Variants in NPY1R observed in about 807,000 individuals in gnomAD.
NPY1R encodes neuropeptide Y receptor Y1, also known as neuropeptide Y receptor type 1.
In NPY1R, 10 loss-of-function variants were observed where a neutral mutation model predicts 24.1. That is an observed-to-expected ratio of 0.42 (90% confidence interval 0.26 to 0.71). The LOEUF is 0.71. Ranked by LOEUF, NPY1R falls within the 30% of genes least tolerant of loss-of-function variation. The pLI is 0.28. For missense variants in NPY1R, 350 were observed against 458.0 expected (o/e 0.76, Z 2.15); for synonymous variants, 168 against 165.9 (o/e 1.01, Z -0.10).
intron 1 of NPY1R, among the ~76,000 whole-genome samples, chr4:163,327,833 A>G (rs1233108259): frequency 2.0e-5 from 3 of 152,206 alleles, no homozygotes; most frequent in African/African-American, 7.2e-5. Flanking sequence ...TTCAAAAATA[A>G]GTCTGATATT....
At chr4:163,327,540 T>C (rs961389004) in intron 1 of NPY1R, among the ~76,000 whole-genome samples, 1 of 152,168 alleles carries the variant, frequency 6.6e-6, no homozygotes, top group Non-Finnish European at 1.5e-5. Flanking sequence ...AACCACCATA[T>C]GAAAAACCAT....
rs1734578305 is a variant in NPY1R, at chr4:163,325,324, ATTG to A, written c.1131_1133del (p.Asn378del). The A allele has an allele frequency of 5.6e-6, 9 of 1,610,092 alleles. No homozygotes were observed. The highest frequency in any genetic ancestry group is 6.8e-6 in the Non-Finnish European group (8 of 1,178,550). Reference sequence around the variant, plus strand: ...AGTTTCAGATTTTTTCATTATCATCATTGTTGTTGATTTTTTTAAATGCGACTG... The same window carrying A: ...AGTTTCAGATTTTTTCATTATCATCATTGTTGATTTTTTTAAATGCGACTG... On this transcript the variant is annotated inframe_deletion, in exon 3 of 3. Transcript: ENST00000296533.
At chr4:163,325,796 G>A (rs750507121) in intron 2 of NPY1R, 38 bp from the exon 3 acceptor site, 2 of 1,565,862 alleles carry the variant, frequency 1.3e-6, no homozygotes, top group Non-Finnish European at 1.7e-6. Context: ...ACACTCATTT[G>A]ATGAGGAATT....
Position 163,326,625 on chromosome 4 carries a change from G to T in NPY1R, c.-71C>A. 1.1e-6 allele frequency: 1 copy of T among 944,486 alleles called. No homozygotes were observed. The highest frequency in any genetic ancestry group is 1.6e-6 in the Non-Finnish European group (1 of 620,358). The allele number at this position is 944,486 out of a possible 1,614,324, so 58.5% of individuals were successfully genotyped here. A position where few individuals can be genotyped will look rare whatever the true frequency, so the allele number is the denominator to read the frequency against. On this transcript the variant is annotated 5_prime_UTR_variant, in exon 2 of 3. Transcript: ENST00000296533. ...TATGTTTCTTCAAAGCAGGTCAACTGTTCAGCTTATTCTTATTCCCCATAT... is the reference window on the plus strand; with the variant it reads ...TATGTTTCTTCAAAGCAGGTCAACTTTTCAGCTTATTCTTATTCCCCATAT...
In NPY1R at chr4:163,326,319, A is replaced by G; in HGVS notation, c.236T>C (p.Ile79Thr). Residue 79 changes from isoleucine (I) to threonine (T), a missense_variant, in exon 2 of 3, where the codon ATT (isoleucine) becomes ACT (threonine). Transcript: ENST00000296533. Reference protein sequence around the residue: ...KEMRNVTNILIVNLSFSDLLV... With the variant: ...KEMRNVTNILTVNLSFSDLLV... Reference sequence around the variant, plus strand: ...CAAGTCTGAGAAGGAAAGGTTCACAATCAGGATGTTGGTAACATTTCTCAT... The same window carrying G: ...CAAGTCTGAGAAGGAAAGGTTCACAGTCAGGATGTTGGTAACATTTCTCAT... 6.2e-7 allele frequency: 1 copy of G among 1,614,154 alleles called. No homozygotes were observed. The highest frequency in any genetic ancestry group is 1.1e-5 in the South Asian group (1 of 91,084).
intron 1 of NPY1R, among the ~76,000 whole-genome samples, chr4:163,342,893 A>G (rs1469180262): frequency 2.0e-5 from 3 of 151,722 alleles, no homozygotes; most frequent in Admixed American, 1.3e-4. Context: ...ACCCTTTCTC[A>G]TGGTAAAGCT....
At position 163,324,588 on chromosome 4, in the gene NPY1R, T is replaced by C. The variant is rs1042526013; in HGVS notation, c.*715A>G. ...TCTTGTTGTCAGGTACCAAAATGGT[T>C]TTGAAGTTAGGGAGCTGCTTTCTCT... On this transcript the variant is annotated 3_prime_UTR_variant, in exon 3 of 3. Coordinates refer to ENST00000296533, the MANE Select transcript of NPY1R (RefSeq NM_000909.6). The C allele has an allele frequency of 2.0e-5, 3 of 152,074 alleles. No individual in the cohort carries two copies. The highest frequency in any genetic ancestry group is 4.4e-5 in the Non-Finnish European group (3 of 67,994). The allele number at this position is 152,074 out of a possible 1,614,324, so 9.4% of individuals were successfully genotyped here.
chr4:163,343,382 C>T (rs1237378528), intron 1 of NPY1R, among the ~76,000 whole-genome samples: 1 of 152,014 alleles, frequency 6.6e-6, no homozygotes, highest in Non-Finnish European at 1.5e-5. Context: ...GTTGCCTCTC[C>T]TGAACATTGG....
chr4:163,340,632 G>A (rs1295882828), intron 1 of NPY1R, among the ~76,000 whole-genome samples: 1 of 151,934 alleles, frequency 6.6e-6, no homozygotes, highest in Non-Finnish European at 1.5e-5. Flanking sequence ...AGGTCTCAAA[G>A]GGGACTCCAG....
Position 163,325,646 on chromosome 4 carries a change from G to A in NPY1R, c.812C>T (p.Ala271Val), listed in dbSNP as rs1316523914. The change falls in exon 3 of 3, where the codon GCA (alanine) becomes GTA (valine). Residue 271 changes from alanine to valine, a missense_variant. Coordinates refer to ENST00000296533, the MANE Select transcript of NPY1R (RefSeq NM_000909.6). ...INIMLLSIVV[A>V]FAVCWLPLTI... is the part of the protein sequence containing the mutation. ...AAGAGGGAGCCAGCAGACTGCAAAT[G>A]CTACCACAATGGAGAGCAGCATGAT... 6.2e-7 allele frequency: 1 copy of A among 1,609,586 alleles called. No individual in the cohort carries two copies. Among genetic ancestry groups the A allele is most frequent in the Non-Finnish European group, 8.5e-7 (1 of 1,179,614 alleles).
intron 1 of NPY1R, among the ~76,000 whole-genome samples, chr4:163,343,521 A>G (rs1158629014): frequency 4.0e-5 from 6 of 151,428 alleles, no homozygotes; most frequent in Admixed American, 3.3e-4. Context: ...AAACAAAGAT[A>G]AAACCTGAGA....
chr4:163,325,657 G>A lies in NPY1R; in HGVS notation c.801C>T (p.Ser267=), dbSNP rs975033445. The A allele has an allele frequency of 1.7e-5, 28 of 1,607,146 alleles. No individual in the cohort carries two copies. The highest frequency in any genetic ancestry group is 2.7e-5 in the African/African-American group (2 of 74,870). ...AGCAGACTGCAAATGCTACCACAAT[G>A]GAGAGCAGCATGATATTGATTCTTT... ...ETKRINIMLL[S]IVVAFAVCWL... is the part of the protein sequence containing the mutation. Residue 267 remains serine (S), a synonymous_variant, in exon 3 of 3, where the codon TCC becomes TCT. Transcript: ENST00000296533.
chr4:163,333,056 CAAAT>C (rs13447344), upstream of NPY1R: 86,102 of 151,530 alleles, frequency 0.57, 27,064 homozygotes, highest in Admixed American at 0.73. Context: ...TTGTGACGCT[CAAAT>C]AACTCTCACG....
Position 163,324,740 on chromosome 4 carries a change from GA to G in NPY1R, c.*562del, listed in dbSNP as rs59293649. ...AGCAAATTAAATCCTCCCTTAAGGT[GA>G]AAAAAAAAAAAAACAAACAAAAACC... On this transcript the variant is annotated 3_prime_UTR_variant, in exon 3 of 3. Coordinates refer to ENST00000296533, the MANE Select transcript of NPY1R (RefSeq NM_000909.6). 79,619 of 143,348 alleles carry G rather than the reference GA, an allele frequency of 0.56. 22,623 individuals carry two copies. Among genetic ancestry groups the G allele is most frequent in the Admixed American group, 0.66 (9,492 of 14,342 alleles). The allele number at this position is 143,348 out of a possible 1,614,324, so 8.9% of individuals were successfully genotyped here. A position where few individuals can be genotyped will look rare whatever the true frequency, so the allele number is the denominator to read the frequency against.
At chr4:163,334,499 C>A (rs1734794842), upstream of NPY1R, among the ~76,000 whole-genome samples, 1 of 152,188 alleles carries the variant, frequency 6.6e-6, no homozygotes, top group Admixed American at 6.5e-5. Context: ...AGATACCAAT[C>A]TTTGAAAGAT....
intron 1 of NPY1R, among the ~76,000 whole-genome samples, chr4:163,340,769 A>G (rs1734961378): frequency 6.6e-6 from 1 of 152,132 alleles, no homozygotes; most frequent in Non-Finnish European, 1.5e-5. Flanking sequence ...ATAAGTGTCT[A>G]TTATAAAAAT....
chr4:163,330,266 T>A lies in NPY1R; in HGVS notation c.-152+2216A>T, dbSNP rs566516733. ...TACAGATGAGTTCAGGTAAACGTAC[T>A]GAAGCTCTAGCCTGATACCTTTGAA... On this transcript the variant is annotated intron_variant, in intron 1 of 2. Coordinates refer to ENST00000296533, the MANE Select transcript of NPY1R (RefSeq NM_000909.6). Among the ~76,000 whole-genome samples, 8 of 152,374 alleles carry A rather than the reference T, an allele frequency of 5.3e-5. No homozygotes were observed. The South Asian group carries it at 1.7e-3, about 32-fold the overall frequency.
At chr4:163,336,546 C>T (rs148462518), upstream of NPY1R, among the ~76,000 whole-genome samples, 27 of 152,264 alleles carry the variant, frequency 1.8e-4, no homozygotes, top group East Asian at 4.0e-3. Context: ...CCCTGACTCC[C>T]GCTCCCCAAA....
intron 1 of NPY1R, among the ~76,000 whole-genome samples, chr4:163,342,713 T>C (rs563826101): frequency 6.6e-6 from 1 of 152,036 alleles, no homozygotes; most frequent in African/African-American, 2.4e-5. Flanking sequence ...ACACAAAAAA[T>C]TTTCTTTGAC....
Sources: gnomAD v4.1 joint callset for allele counts (sites outside exome capture counted in the v4.1 genomes callset) on GRCh38, gnomAD v4.1.1 for gene constraint, MANE v1.5 for transcripts, NCBI Gene and HGNC (gene_info 2026-07-23, HGNC 2026-07-21) for gene names.